The following CTNND2 variants were observed in gnomAD, a reference collection of about 807,000 sequenced individuals.
CTNND2 encodes the protein catenin delta-2.
CTNND2 carries 22 observed loss-of-function variants against 144.4 expected under a neutral mutation model. The observed-to-expected ratio is 0.15, with a 90% CI of 0.11 to 0.22. The LOEUF is 0.22. Among genes scored for constraint, CTNND2 ranks in the 10% least tolerant of loss-of-function variants. CTNND2 has a pLI of 1.00. For missense variants in CTNND2, 1,353 were observed against 1,618.8 expected (o/e 0.84, Z 2.82); for synonymous variants, 751 against 695.6 (o/e 1.08, Z -1.25).
intron 2 of CTNND2, among the ~76,000 whole-genome samples, chr5:11,604,910 T>A (rs1002914779): frequency 6.6e-6 from 1 of 152,214 alleles, no homozygotes; most frequent in African/African-American, 2.4e-5. Context: ...AATTTATTTA[T>A]CTGTGCTTTA....
At chr5:11,679,941 A>G (rs1784351686) in intron 2 of CTNND2, among the ~76,000 whole-genome samples, 1 of 152,218 alleles carries the variant, frequency 6.6e-6, no homozygotes, top group Non-Finnish European at 1.5e-5. Context: ...GAATGTTCTA[A>G]AGCACAATCA....
rs537502491 is a variant in CTNND2 at position 11,773,130 on chromosome 5, T to C, written c.38-40858A>G. Among the ~76,000 whole-genome samples the C allele has an allele frequency of 4.2e-4, 64 of 152,288 alleles. No individual in the cohort carries two copies. The South Asian group carries it at 0.012, about 30-fold the overall frequency. ...AGTGGAGCCCAATAAACACCAAAACTTCCTCTCAATCATCTGTCAGTGCAC... is the reference window on the plus strand; with the variant it reads ...AGTGGAGCCCAATAAACACCAAAACCTCCTCTCAATCATCTGTCAGTGCAC... On this transcript the variant is annotated intron_variant, in intron 1 of 21. Transcript: ENST00000304623.
chr5:11,265,801 G>A (rs530265313), intron 9 of CTNND2, among the ~76,000 whole-genome samples: 1 of 148,602 alleles, frequency 6.7e-6, no homozygotes, highest in Non-Finnish European at 1.5e-5. Flanking sequence ...CGCCTCCCAG[G>A]TCCCAGTTCA....
intron 5 of CTNND2, among the ~76,000 whole-genome samples, chr5:11,408,311 A>C (rs1761250993): frequency 6.6e-6 from 1 of 152,168 alleles, no homozygotes; most frequent in Non-Finnish European, 1.5e-5. Flanking sequence ...CTGAACACTT[A>C]AAATTCGCAA....
intron 9 of CTNND2, among the ~76,000 whole-genome samples, chr5:11,304,551 T>C (rs1259390299): frequency 1.3e-5 from 2 of 152,216 alleles, no homozygotes; most frequent in Non-Finnish European, 2.9e-5. Context: ...AATATAAAAC[T>C]ACAAATATAA....
At chr5:11,447,715 G>A (rs775408289) in intron 3 of CTNND2, among the ~76,000 whole-genome samples, 11 of 152,124 alleles carry the variant, frequency 7.2e-5, no homozygotes, top group Non-Finnish European at 1.3e-4. Context: ...CACAAGGCAC[G>A]TGGCTACTGT....
chr5:11,462,804 T>C (rs1473596501), intron 3 of CTNND2, among the ~76,000 whole-genome samples: 1 of 152,100 alleles, frequency 6.6e-6, no homozygotes, highest in Non-Finnish European at 1.5e-5. Flanking sequence ...CTAATCTATG[T>C]GTTTCTTAAC....
At position 11,393,869 on chromosome 5, in the gene CTNND2, C is replaced by G. The variant is rs184315481; in HGVS notation, c.612+3162G>C. 3.2e-3 allele frequency among the ~76,000 whole-genome samples: 483 copies of G among 152,170 alleles called. 2 individuals carry two copies. The highest frequency in any genetic ancestry group is 5.3e-3 in the Non-Finnish European group (360 of 67,990). On this transcript the variant is annotated intron_variant, in intron 6 of 21. Transcript: ENST00000304623. ...ATGTCGTTCCTCTGCTTGAAATTCT[C>G]TACTGGCTCCTCACTTCACTCCCAG... is the stretch of plus-strand genomic sequence containing the variant.
intron 2 of CTNND2, among the ~76,000 whole-genome samples, chr5:11,576,123 C>T (rs1378605601): frequency 6.6e-6 from 1 of 152,074 alleles, no homozygotes; most frequent in Non-Finnish European, 1.5e-5. Context: ...CTTTAATCTG[C>T]CGAGTGATGC....
chr5:11,717,018 C>T (rs962061825), intron 2 of CTNND2, among the ~76,000 whole-genome samples: 8 of 151,890 alleles, frequency 5.3e-5, no homozygotes, highest in South Asian at 2.1e-4. Flanking sequence ...CAGGTGTGCA[C>T]CACAATGCCC....
intron 9 of CTNND2, among the ~76,000 whole-genome samples, chr5:11,306,984 G>T (rs964186130): frequency 6.6e-6 from 1 of 152,098 alleles, no homozygotes; most frequent in Non-Finnish European, 1.5e-5. Flanking sequence ...CACAACCTGG[G>T]GTTGTTACCA....
At chr5:11,176,453 A>G (rs1254147781) in intron 11 of CTNND2, among the ~76,000 whole-genome samples, 1 of 152,192 alleles carries the variant, frequency 6.6e-6, no homozygotes, top group Non-Finnish European at 1.5e-5. Flanking sequence ...TTTCCATGGC[A>G]AACTCTTGTC....
chr5:11,125,128 G>GC (rs1397494324), intron 12 of CTNND2, among the ~76,000 whole-genome samples: 67 of 152,152 alleles, frequency 4.4e-4, no homozygotes, highest in African/African-American at 1.5e-3. Context: ...TTTGTTGAGT[G>GC]CCCAGGGGTG....
In CTNND2 at chr5:11,752,616, T is replaced by A. The variant is rs113223294; in HGVS notation, c.38-20344A>T. Among the ~76,000 whole-genome samples the A allele has an allele frequency of 4.8e-3, 733 of 151,764 alleles. 9 individuals are homozygous for A. The highest frequency in any genetic ancestry group is 0.017 in the African/African-American group (715 of 41,448). On this transcript the variant is annotated intron_variant, in intron 1 of 21. Transcript: ENST00000304623. ...GCTTATAGTATAGTTTAAAGTCAGG[T>A]AGTGCGATGCCTCCAGCTTTGTTCT...
At chr5:11,631,378 C>T (rs942904395) in intron 2 of CTNND2, among the ~76,000 whole-genome samples, 1 of 152,216 alleles carries the variant, frequency 6.6e-6, no homozygotes, top group Non-Finnish European at 1.5e-5. Context: ...ACTATACACA[C>T]ACTTTACTAC....
chr5:11,208,507 G>C (rs1443569033), intron 10 of CTNND2, among the ~76,000 whole-genome samples: 1 of 152,096 alleles, frequency 6.6e-6, no homozygotes, highest in African/African-American at 2.4e-5. Context: ...AAAAACTCCA[G>C]AAAAGATACA....
chr5:11,161,157 C>T (rs1580453847), intron 11 of CTNND2, among the ~76,000 whole-genome samples: 1 of 152,140 alleles, frequency 6.6e-6, no homozygotes, highest in Non-Finnish European at 1.5e-5. Flanking sequence ...GAAGCACAGC[C>T]ATGTCGGTTC....
intron 1 of CTNND2, among the ~76,000 whole-genome samples, chr5:11,902,404 C>A (rs1441164268): frequency 6.6e-6 from 1 of 152,172 alleles, no homozygotes; most frequent in Non-Finnish European, 1.5e-5. Context: ...TCACAGCAAA[C>A]ACTTCTCCAT....
At chr5:11,306,901 C>T (rs1353166409) in intron 9 of CTNND2, among the ~76,000 whole-genome samples, 2 of 152,200 alleles carry the variant, frequency 1.3e-5, no homozygotes, top group Admixed American at 1.3e-4. Flanking sequence ...ACTGACACCT[C>T]TGCTCGCACT....
Sources: gnomAD v4.1 joint callset for allele counts (sites outside exome capture counted in the v4.1 genomes callset) on GRCh38, gnomAD v4.1.1 for gene constraint, MANE v1.5 for transcripts, NCBI Gene and HGNC (gene_info 2026-07-23, HGNC 2026-07-21) for gene names.